The following ELMO1 variants were observed in gnomAD, a reference collection of about 807,000 sequenced individuals.
The protein encoded by ELMO1 is engulfment and cell motility 1.
ELMO1 carries 26 observed loss-of-function variants against 98.9 expected under a neutral mutation model. That is an observed-to-expected ratio of 0.26 (90% CI 0.19 to 0.36). ELMO1 has a LOEUF of 0.36. ELMO1 is among the 10% of genes least tolerant of loss of function. The probability of loss-of-function intolerance (pLI) is 1.00; values close to 1 mark genes in which losing one functional copy is unlikely to be tolerated. For missense variants in ELMO1, 627 were observed against 935.2 expected, an observed-to-expected ratio of 0.67 and a Z score of 4.30; for synonymous variants, 346 against 346.0, an observed-to-expected ratio of 1.00 and a Z score of 0.00.
chr7:37,073,008 A>T (rs1797364458), intron 15 of ELMO1, among the ~76,000 whole-genome samples: 1 of 152,244 alleles, frequency 6.6e-6, no homozygotes, highest in Non-Finnish European at 1.5e-5. Flanking sequence ...TTCAGAGGGC[A>T]GTTAGGCAAC....
At chr7:36,959,816 G>A (rs1788791883) in intron 16 of ELMO1, among the ~76,000 whole-genome samples, 1 of 152,174 alleles carries the variant, frequency 6.6e-6, no homozygotes, top group South Asian at 2.1e-4. Context: ...GAGTAGCTGG[G>A]ATTACAGGCA....
At chr7:37,096,855 A>C in intron 14 of ELMO1, 128 bp from the exon 15 acceptor site, 1 of 815,170 alleles carries the variant, frequency 1.2e-6, no homozygotes, top group East Asian at 2.6e-5. Context: ...TCTTGGGGCC[A>C]GGACAAAATA....
chr7:36,881,838 C>T (rs1378627290), intron 18 of ELMO1, among the ~76,000 whole-genome samples: 1 of 152,134 alleles, frequency 6.6e-6, no homozygotes, highest in African/African-American at 2.4e-5. Flanking sequence ...GATGGAAATT[C>T]TCTGTATCTG....
chr7:36,952,297 T>C (rs563150074), intron 16 of ELMO1, among the ~76,000 whole-genome samples: 1 of 152,324 alleles, frequency 6.6e-6, no homozygotes, highest in South Asian at 2.1e-4. Flanking sequence ...AACCTCTTAG[T>C]GATCTTTCTC....
rs1383194143 is a variant in ELMO1, at chr7:37,271,916, AAGT to A, written c.193-37_193-35del. 2.5e-6 allele frequency: 4 copies of A among 1,598,238 alleles called. No individual in the cohort carries two copies. In the South Asian group the frequency reaches 4.4e-5, roughly 18 times the overall value. ...GAAGAAAAAATCTTTGTAAATTTTC[AAGT>A]AGAAGCTTGGTAAAGAAGAGAACAA... On this transcript the variant is annotated intron_variant, in intron 4 of 21. Transcript: ENST00000310758.
At chr7:37,042,154 A>G (rs1584554643) in intron 15 of ELMO1, among the ~76,000 whole-genome samples, 1 of 142,400 alleles carries the variant, frequency 7.0e-6, no homozygotes, top group African/African-American at 2.6e-5. Context: ...CCATCCCACC[A>G]CTGCACTCCA....
At chr7:37,028,451 A>G (rs1794701323) in intron 15 of ELMO1, among the ~76,000 whole-genome samples, 1 of 152,146 alleles carries the variant, frequency 6.6e-6, no homozygotes, top group Non-Finnish European at 1.5e-5. Context: ...GAATTTTCCA[A>G]TTTATCCATG....
At chr7:37,317,306 A>G (rs577363219) in intron 2 of ELMO1, among the ~76,000 whole-genome samples, 94 of 152,268 alleles carry the variant, frequency 6.2e-4, no homozygotes, top group African/African-American at 2.2e-3. Flanking sequence ...TCAATCCTCT[A>G]TGAGCACATT....
At chr7:37,338,662 A>C (rs1347869293) in intron 2 of ELMO1, among the ~76,000 whole-genome samples, 1 of 152,226 alleles carries the variant, frequency 6.6e-6, no homozygotes, top group Non-Finnish European at 1.5e-5. Context: ...ACCGAGAAAC[A>C]AATACATTAT....
chr7:37,376,026 C>T (rs1802326779), intron 1 of ELMO1: 2 of 465,174 alleles, frequency 4.3e-6, no homozygotes, highest in Non-Finnish European at 7.9e-6. Flanking sequence ...CTCAGTAAAA[C>T]TGGAGAGGAT....
intron 20 of ELMO1, among the ~76,000 whole-genome samples, chr7:36,867,330 C>T (rs1041511319): frequency 2.0e-5 from 3 of 152,138 alleles, no homozygotes; most frequent in Admixed American, 2.0e-4. Flanking sequence ...AGAGAGGAGT[C>T]TGATACAAGG....
At chr7:37,132,395 A>G (rs1786981167) in intron 14 of ELMO1, among the ~76,000 whole-genome samples, 1 of 152,150 alleles carries the variant, frequency 6.6e-6, no homozygotes, top group Admixed American at 6.5e-5. Flanking sequence ...CCTGATCTCA[A>G]TCTTGGATCT....
intron 1 of ELMO1, among the ~76,000 whole-genome samples, chr7:37,424,049 T>C (rs78225312): frequency 0.08 from 12,173 of 152,178 alleles, 617 homozygotes; most frequent in Admixed American, 0.097. Flanking sequence ...GGAATGCAGA[T>C]CAAGGTCCAG....
chr7:37,414,167 A>G (rs1804113516), intron 1 of ELMO1, among the ~76,000 whole-genome samples: 1 of 131,416 alleles, frequency 7.6e-6, no homozygotes, highest in Admixed American at 7.9e-5. Context: ...GATTCATTCC[A>G]TTCATTTTCC....
intron 15 of ELMO1, among the ~76,000 whole-genome samples, chr7:37,054,307 A>C (rs951279524): frequency 2.6e-5 from 4 of 152,192 alleles, no homozygotes; most frequent in Admixed American, 2.0e-4. Flanking sequence ...TTCAGAATCT[A>C]CTTTTAAAGA....
intron 4 of ELMO1, among the ~76,000 whole-genome samples, chr7:37,305,099 T>C (rs2723995): frequency 0.97 from 148,168 of 152,298 alleles, 72,168 homozygotes; most frequent in Non-Finnish European, 1. Context: ...TCTTCTGTGA[T>C]GCTGCTCCCA....
intron 2 of ELMO1, among the ~76,000 whole-genome samples, chr7:37,321,671 C>T (rs775916175): frequency 1.4e-4 from 18 of 131,950 alleles, no homozygotes; most frequent in East Asian, 2.4e-4. Context: ...GAGCCGAGAT[C>T]GCGCCACTGC....
chr7:37,269,990 CCTT>C (rs1343242094), intron 5 of ELMO1: 1 of 152,148 alleles, frequency 6.6e-6, no homozygotes, highest in East Asian at 1.9e-4. Flanking sequence ...GAAACTAACT[CCTT>C]CTTTGGCTTA....
At chr7:37,382,074 A>G (rs1305657228) in intron 1 of ELMO1, among the ~76,000 whole-genome samples, 2 of 152,216 alleles carry the variant, frequency 1.3e-5, no homozygotes, top group African/African-American at 2.4e-5. Flanking sequence ...GACTCTCTGG[A>G]TAAAAGATAA....
Sources: allele counts gnomAD v4.1 joint callset (sites outside exome capture counted in the v4.1 genomes callset), GRCh38; gene constraint gnomAD v4.1.1; transcripts MANE v1.5; gene names NCBI Gene and HGNC (gene_info 2026-07-23, HGNC 2026-07-21).